The following ALKBH6 variants were observed in gnomAD, a reference collection of about 807,000 sequenced individuals.
ALKBH6 encodes probable RNA/DNA demethylase ALKBH6.
Under a neutral mutation model 25.1 loss-of-function variants are expected in ALKBH6, and 20 were observed. The observed-to-expected ratio is 0.80, with a 90% CI of 0.56 to 1.16. The LOEUF is 1.16. Among genes scored for constraint, ALKBH6 ranks in the 50% most tolerant of loss-of-function variants. The pLI is 0.00. For missense variants in ALKBH6, 263 were observed against 326.5 expected (o/e 0.81, Z 1.50); for synonymous variants, 156 against 147.5 (o/e 1.06, Z -0.42).
In ALKBH6 at chr19:36,010,672, G is replaced by A. The variant is rs778470842; in HGVS notation, c.348C>T (p.Asp116=). Residue 116 remains aspartate, a synonymous_variant, in exon 6 of 7, where the codon GAC becomes GAT. Coordinates refer to ENST00000378875, the MANE Select transcript of ALKBH6 (RefSeq NM_032878.5). This position sits in a 1 kb window ranked among gnomAD's most constrained non-coding sequence, Gnocchi z 5.5. ...LPGEGIMPHE[D]GPLYYPTVST... is the part of the protein sequence containing the mutation. ...TGACAGTCGGGTAGTACAGTGGTCC[G>A]TCCTCGTGGGGCTAGGGAGTGGGCA... The A allele has an allele frequency of 5.4e-5, 87 of 1,613,858 alleles. No homozygotes were observed. The East Asian group carries it at 7.4e-4, about 14-fold the overall frequency.
In ALKBH6 at chr19:36,013,796, C is replaced by A; in HGVS notation, c.-25-374G>T. 7.8e-7 allele frequency: 1 copy of A among 1,276,492 alleles called. No individual in the cohort carries two copies. Among genetic ancestry groups the A allele is most frequent in the African/African-American group, 1.5e-5 (1 of 64,668 alleles). The allele number at this position is 1,276,492 out of a possible 1,614,324, so 79.1% of individuals were successfully genotyped here. A position where few individuals can be genotyped will look rare whatever the true frequency, so the allele number is the denominator to read the frequency against. On this transcript the variant is annotated intron_variant, in intron 1 of 6. Coordinates refer to ENST00000378875, the MANE Select transcript of ALKBH6 (RefSeq NM_032878.5). This position sits in a 1 kb window ranked among gnomAD's most constrained non-coding sequence, Gnocchi z 4.6. ...CCCCTTTAAACACCTTGAGACCCCG[C>A]TTCAGACCTGCAACTGTGAGCCCGG...
chr19:36,012,925 C>CT (rs1343595738), intron 3 of ALKBH6, 96 bp downstream of exon 3: 1 of 1,244,546 alleles, frequency 8.0e-7, no homozygotes, highest in Non-Finnish European at 1.2e-6. Flanking sequence ...CTGTCGGGGT[C>CT]TTCACTGCAG....
At position 36,013,390 on chromosome 19, in the gene ALKBH6, T is replaced by TCCTCCATCAACACCAACTCCTTGCAC; in HGVS notation, c.-19_7dup (p.Glu3GlyfsTer7). The TCCTCCATCAACACCAACTCCTTGCAC allele has an allele frequency of 6.2e-7, 1 of 1,613,506 alleles. No homozygotes were observed. The highest frequency in any genetic ancestry group is 1.1e-5 in the South Asian group (1 of 91,050). ...CAGGGCTGGGACTCTGGCGTCCTGCTCCTCCATCAACACCAACTCCTTGCA... is the reference window on the plus strand; with the variant it reads ...CAGGGCTGGGACTCTGGCGTCCTGCTCCTCCATCAACACCAACTCCTTGCACCCTCCATCAACACCAACTCCTTGCA... On this transcript the variant is annotated stop_gained and frameshift_variant, in exon 2 of 7. Transcript: ENST00000378875. LOFTEE classifies it high-confidence loss of function. This position sits in a 1 kb window ranked among gnomAD's most constrained non-coding sequence, Gnocchi z 4.6.
intron 3 of ALKBH6, 195 bp downstream of exon 3, chr19:36,012,826 C>T (rs1968649007): frequency 1.7e-6 from 1 of 601,236 alleles, no homozygotes; most frequent in Admixed American, 2.9e-5. Flanking sequence ...GCTATCTCAG[C>T]CTATGTTTAT....
At position 36,010,215 on chromosome 19, in the gene ALKBH6, G is replaced by A. The variant is rs77602638; in HGVS notation, c.453+352C>T. 3.6e-3 allele frequency: 938 copies of A among 257,866 alleles called. 4 individuals are homozygous for A. The highest frequency in any genetic ancestry group is 0.019 in the African/African-American group (861 of 44,876). 16.0% of individuals were successfully genotyped at this position (257,866 alleles called of 1,614,324 possible). Reference sequence around the variant, plus strand: ...AATCACATTCCTGGAGTAGCAGGACGTCTGGGGCACCCTGAGCAGGGGCAG... The same window carrying A: ...AATCACATTCCTGGAGTAGCAGGACATCTGGGGCACCCTGAGCAGGGGCAG... On this transcript the variant is annotated intron_variant, in intron 6 of 6. Coordinates refer to ENST00000378875, the MANE Select transcript of ALKBH6 (RefSeq NM_032878.5). This position sits in a 1 kb window ranked among gnomAD's most constrained non-coding sequence, Gnocchi z 5.5.
Position 36,013,164 on chromosome 19 carries a change from A to G in ALKBH6, c.55-75T>C. On this transcript the variant is annotated intron_variant, in intron 2 of 6. Coordinates refer to ENST00000378875, the MANE Select transcript of ALKBH6 (RefSeq NM_032878.5). This position sits in a 1 kb window ranked among gnomAD's most constrained non-coding sequence, Gnocchi z 4.6. ...GACATATCATCACAGAGCAACCCCT[A>G]TGCCTGGAGACAGGCTCAGGATGTC... is the stretch of plus-strand genomic sequence containing the variant. 2 of 1,491,848 alleles carry G rather than the reference A, an allele frequency of 1.3e-6. No individual in the cohort carries two copies. The highest frequency in any genetic ancestry group is 1.9e-6 in the Non-Finnish European group (2 of 1,070,608). The allele number at this position is 1,491,848 out of a possible 1,614,324, so 92.4% of individuals were successfully genotyped here.
chr19:36,012,391 G>A (rs1968633186), intron 3 of ALKBH6: 2 of 152,526 alleles, frequency 1.3e-5, no homozygotes, highest in South Asian at 2.1e-4. Context: ...TCCCTTCATG[G>A]TTATGGAGCT....
Position 36,011,394 on chromosome 19 carries a change from G to A in ALKBH6, c.184+10C>T, listed in dbSNP as rs775488775. On this transcript the variant is annotated intron_variant, in intron 4 of 6. Coordinates refer to ENST00000378875, the MANE Select transcript of ALKBH6 (RefSeq NM_032878.5). Reference sequence around the variant, plus strand: ...CAGAATCACTCCTGCCCCCAGCCAGGGATACTTACCCCAGTTCTGTAACTT... The same window carrying A: ...CAGAATCACTCCTGCCCCCAGCCAGAGATACTTACCCCAGTTCTGTAACTT... 1.9e-6 allele frequency: 3 copies of A among 1,612,298 alleles called. No homozygotes were observed. In the South Asian group the frequency reaches 3.3e-5, roughly 18 times the overall value.
chr19:36,009,895 A>T (rs1968544926), intron 6 of ALKBH6, among the ~76,000 whole-genome samples: 2 of 152,034 alleles, frequency 1.3e-5, no homozygotes, highest in Non-Finnish European at 2.9e-5. Flanking sequence ...GTCCCCAGGA[A>T]ATACAGGCAG....
At position 36,009,376 on chromosome 19, in the gene ALKBH6, C is replaced by T. The variant is rs1448036555; in HGVS notation, c.631G>A (p.Ala211Thr). 1 of 1,264,498 alleles carries T rather than the reference C, an allele frequency of 7.9e-7. No individual in the cohort carries two copies. Among genetic ancestry groups the T allele is most frequent in the Non-Finnish European group, 9.9e-7 (1 of 1,006,324 alleles). 78.3% of individuals were successfully genotyped at this position (1,264,498 alleles called of 1,614,324 possible). Residue 211 changes from alanine (A) to threonine (T), a missense_variant, in exon 7 of 7, where the codon GCC (alanine) becomes ACC (threonine). Around this residue, in one of 3 missense-constraint regions of ALKBH6, gnomAD observed 148 missense variants for 157.5 expected, o/e 0.94. Transcript: ENST00000378875. Reference protein sequence around the residue: ...AAACPSARPGACLVRGTRVSL... With the variant: ...AAACPSARPGTCLVRGTRVSL... ...ACCCGGGTGCCGCGCACCAGGCAGG[C>T]TCCCGGCCGCGCCGACGGGCAGGCT...
At position 36,013,850 on chromosome 19, in the gene ALKBH6, C is replaced by G. The variant is rs1968697918; in HGVS notation, c.-26+325G>C. On this transcript the variant is annotated intron_variant, in intron 1 of 6. Transcript: ENST00000378875. This position sits in a 1 kb window ranked among gnomAD's most constrained non-coding sequence, Gnocchi z 4.6. ...TCAACACTCAGCGACCCCCGCCCCCCACCGAATCCCATTCTGTGCACTCCT... is the reference window on the plus strand; with the variant it reads ...TCAACACTCAGCGACCCCCGCCCCCGACCGAATCCCATTCTGTGCACTCCT... 7.7e-7 allele frequency: 1 copy of G among 1,298,982 alleles called. No individual in the cohort carries two copies. Among genetic ancestry groups the G allele is most frequent in the African/African-American group, 1.5e-5 (1 of 64,846 alleles). 80.5% of individuals were successfully genotyped at this position (1,298,982 alleles called of 1,614,324 possible).
intron 1 of ALKBH6, 118 bp downstream of exon 1, chr19:36,014,057 G>C (rs574929900): frequency 3.9e-6 from 6 of 1,535,538 alleles, no homozygotes; most frequent in Non-Finnish European, 4.4e-6. Context: ...CCCCGACTCC[G>C]AGCCTTTTAG....
At chr19:36,011,326 C>T in intron 4 of ALKBH6, 78 bp downstream of exon 4, 1 of 1,543,654 alleles carries the variant, frequency 6.5e-7, no homozygotes, top group Non-Finnish European at 8.8e-7. Flanking sequence ...CCTCTGATGT[C>T]TTAAGTCTAT....
At position 36,009,162 on chromosome 19, in the gene ALKBH6, C is replaced by G; in HGVS notation, c.*128G>C. On this transcript the variant is annotated 3_prime_UTR_variant, in exon 7 of 7. Transcript: ENST00000378875. ...ATTTGGTATGGGGTCTTCTGTAGCTCACACAAAATTATTGGGAAAATAAAT... is the reference window on the plus strand; with the variant it reads ...ATTTGGTATGGGGTCTTCTGTAGCTGACACAAAATTATTGGGAAAATAAAT... 8.4e-6 allele frequency: 10 copies of G among 1,189,612 alleles called. No homozygotes were observed. Among genetic ancestry groups the G allele is most frequent in the Non-Finnish European group, 9.5e-6 (9 of 949,962 alleles). The allele number at this position is 1,189,612 out of a possible 1,614,324, so 73.7% of individuals were successfully genotyped here.
chr19:36,009,125 A>G lies in ALKBH6; in HGVS notation c.*165T>C. The stretch of plus-strand genomic sequence containing the variant: ...AATAAAAATATAAAACCAAGGAAAG[A>G]TTTTTTTGTTTATTTGGTATGGGGT... On this transcript the variant is annotated 3_prime_UTR_variant, in exon 7 of 7. Coordinates refer to ENST00000378875, the MANE Select transcript of ALKBH6 (RefSeq NM_032878.5). The G allele has an allele frequency of 2.5e-6, 3 of 1,179,718 alleles. No homozygotes were observed. Among genetic ancestry groups the G allele is most frequent in the Non-Finnish European group, 2.1e-6 (2 of 940,582 alleles). The allele number at this position is 1,179,718 out of a possible 1,614,324, so 73.1% of individuals were successfully genotyped here. A position where few individuals can be genotyped will look rare whatever the true frequency, so the allele number is the denominator to read the frequency against.
At position 36,010,842 on chromosome 19, in the gene ALKBH6, G is replaced by A. The variant is rs1351363380; in HGVS notation, c.336+52C>T. Reference sequence around the variant, plus strand: ...GGTGGGTACAGAGTCCCCTGCCCCAGCACAGCTCAGAAGTCTGAGTGGGGG... The same window carrying A: ...GGTGGGTACAGAGTCCCCTGCCCCAACACAGCTCAGAAGTCTGAGTGGGGG... On this transcript the variant is annotated intron_variant, in intron 5 of 6. Transcript: ENST00000378875. This position sits in a 1 kb window ranked among gnomAD's most constrained non-coding sequence, Gnocchi z 5.5. 1.9e-6 allele frequency: 3 copies of A among 1,608,902 alleles called. No individual in the cohort carries two copies. The South Asian group carries it at 3.3e-5, about 18-fold the overall frequency.
At position 36,013,463 on chromosome 19, in the gene ALKBH6, C is replaced by T. The variant is rs77390159; in HGVS notation, c.-25-41G>A. ...GACATACTGAAGTCACTAGGCCTCC[C>T]GCCCTAACACCATGATGCAGCATTC... On this transcript the variant is annotated intron_variant, in intron 1 of 6. Coordinates refer to ENST00000378875, the MANE Select transcript of ALKBH6 (RefSeq NM_032878.5). This position sits in a 1 kb window ranked among gnomAD's most constrained non-coding sequence, Gnocchi z 4.6. 3,306 of 1,610,718 alleles carry T rather than the reference C, an allele frequency of 2.1e-3. 90 individuals carry two copies. The East Asian group carries it at 0.066, about 32-fold the overall frequency.
Position 36,013,267 on chromosome 19 carries a change from G to T in ALKBH6, c.54+77C>A. 1 of 1,570,884 alleles carries T rather than the reference G, an allele frequency of 6.4e-7. No individual in the cohort carries two copies. The highest frequency in any genetic ancestry group is 8.8e-7 in the Non-Finnish European group (1 of 1,142,518). On this transcript the variant is annotated intron_variant, in intron 2 of 6. Coordinates refer to ENST00000378875, the MANE Select transcript of ALKBH6 (RefSeq NM_032878.5). The surrounding 1 kb of genome is among the most constrained non-coding windows in gnomAD (Gnocchi z 4.6). ...CTCTGACAGTAAGAATGAATTTGGTGGAAGGGGGCAGTCCCAACCCAAGAA... is the reference window on the plus strand; with the variant it reads ...CTCTGACAGTAAGAATGAATTTGGTTGAAGGGGGCAGTCCCAACCCAAGAA...
chr19:36,010,576 A>G lies in ALKBH6; in HGVS notation c.444T>C (p.Pro148=), dbSNP rs780929625. 50 of 1,613,616 alleles carry G rather than the reference A, an allele frequency of 3.1e-5. No individual in the cohort carries two copies. Among genetic ancestry groups the G allele is most frequent in the Admixed American group, 5.0e-5 (3 of 59,960 alleles). The change falls in exon 6 of 7, where the codon CCT becomes CCC. Residue 148 remains proline (P), a synonymous_variant. Transcript: ENST00000378875. This position sits in a 1 kb window ranked among gnomAD's most constrained non-coding sequence, Gnocchi z 5.5. The part of the protein sequence containing the change: ...YEPRRPEDDD[P]TEQPRPPPRP... ...GTGTCTGGGGGCCCACCTGTTCTGT[A>G]GGGTCATCGTCCTCTGGCCGCCGCG... is the stretch of plus-strand genomic sequence containing the variant.
Sources: allele counts gnomAD v4.1 joint callset (sites outside exome capture counted in the v4.1 genomes callset), GRCh38; gene constraint gnomAD v4.1.1; regional missense constraint gnomAD v4.1.1; non-coding constraint Gnocchi (gnomAD v3.1); transcripts MANE v1.5; gene names NCBI Gene and HGNC (gene_info 2026-07-23, HGNC 2026-07-21).